Variants in HCK observed in about 807,000 individuals in gnomAD.
HCK encodes HCK proto-oncogene, Src family tyrosine kinase.
HCK carries 40 observed loss-of-function variants against 70.4 expected under a neutral mutation model. The ratio of observed to expected loss-of-function variants is 0.57; its 90% CI spans 0.44 to 0.74. The LOEUF is 0.74. HCK is among the 30% of genes least tolerant of loss of function. The pLI is 0.00. For synonymous variants in HCK, 245 were observed against 263.2 expected, an observed-to-expected ratio of 0.93 and a Z score of 0.67; for missense variants, 568 against 697.2, an observed-to-expected ratio of 0.81 and a Z score of 2.09.
At chr20:32,091,857 C>T (rs1187054928) in intron 10 of HCK, among the ~76,000 whole-genome samples, 2 of 151,476 alleles carry the variant, frequency 1.3e-5, no homozygotes, top group Non-Finnish European at 2.9e-5. Context: ...TAGTGGCATG[C>T]ACCTATAGTA....
At chr20:32,056,051 GTTTA>G (rs1212985615) in intron 1 of HCK, among the ~76,000 whole-genome samples, 2 of 152,174 alleles carry the variant, frequency 1.3e-5, no homozygotes, top group Non-Finnish European at 2.9e-5. Flanking sequence ...ATATTCCACA[GTTTA>G]TTTACCCATT....
chr20:32,073,925 G>A, intron 4 of HCK, 107 bp downstream of exon 4: 2 of 658,834 alleles, frequency 3.0e-6, no homozygotes, highest in Non-Finnish European at 5.5e-6. Flanking sequence ...TCTTATCCTG[G>A]GTATAAATGT....
chr20:32,085,076 A>C (rs545865009), intron 8 of HCK, among the ~76,000 whole-genome samples: 1 of 152,370 alleles, frequency 6.6e-6, no homozygotes, highest in African/African-American at 2.4e-5. Context: ...GTGCCAGCCC[A>C]GTGTGGGGCA....
At chr20:32,090,689 C>A (rs547123272) in intron 10 of HCK, among the ~76,000 whole-genome samples, 1 of 152,200 alleles carries the variant, frequency 6.6e-6, no homozygotes, top group Non-Finnish European at 1.5e-5. Context: ...CTCATGGCAC[C>A]CTATCTGGGG....
At chr20:32,076,677 A>G (rs1164399924) in intron 5 of HCK, among the ~76,000 whole-genome samples, 1 of 152,192 alleles carries the variant, frequency 6.6e-6, no homozygotes, top group African/African-American at 2.4e-5. Context: ...CCGGCTAACA[A>G]GTGCTTTCTG....
At chr20:32,088,672 G>C (rs2045823358) in intron 10 of HCK, 28 bp downstream of exon 10, 21 of 1,588,032 alleles carry the variant, frequency 1.3e-5, no homozygotes, top group Non-Finnish European at 1.5e-5. Flanking sequence ...AAACGGGGAA[G>C]GGAAACAGGA....
chr20:32,073,537 A>T (rs1206845408), intron 3 of HCK, among the ~76,000 whole-genome samples, 176 bp downstream of exon 3: 1 of 152,256 alleles, frequency 6.6e-6, no homozygotes, highest in Non-Finnish European at 1.5e-5. Flanking sequence ...GTTTAGTAAC[A>T]TGAACAAAAC....
rs1415089428 is a variant in HCK at position 32,101,459 on chromosome 20, C to T, written c.1521C>T (p.Ile507=). ...AGGAGCGGCCGACCTTCGAATACAT[C>T]CAGAGTGTGCTGGATGACTTCTACA... Residue 507 remains isoleucine, a synonymous_variant, in exon 13 of 13, where the codon ATC becomes ATT. Coordinates refer to ENST00000375852, the MANE Select transcript of HCK (RefSeq NM_002110.5). 20 of 1,614,012 alleles carry T rather than the reference C, an allele frequency of 1.2e-5. No individual in the cohort carries two copies. The highest frequency in any genetic ancestry group is 1.7e-5 in the Non-Finnish European group (20 of 1,179,968).
At chr20:32,069,037 A>G (rs1444870333) in intron 1 of HCK, among the ~76,000 whole-genome samples, 3 of 152,328 alleles carry the variant, frequency 2.0e-5, no homozygotes, top group Admixed American at 1.3e-4. Flanking sequence ...CAGTATCTCT[A>G]GGCTTGTGGG....
chr20:32,073,632 C>A, intron 3 of HCK, 84 bp from the exon 4 acceptor site: 2 of 868,596 alleles, frequency 2.3e-6, no homozygotes, highest in Non-Finnish European at 1.9e-6. Flanking sequence ...GGGTGCGGAG[C>A]TGTTCCAGGT....
intron 1 of HCK, 23 bp downstream of exon 1, chr20:32,052,509 C>A: frequency 1.6e-6 from 2 of 1,259,708 alleles, no homozygotes; most frequent in South Asian, 3.3e-5. Flanking sequence ...CACAGGGGAC[C>A]GGGAATACCC....
chr20:32,092,966 A>G (rs1234362970), intron 10 of HCK, among the ~76,000 whole-genome samples: 1 of 151,966 alleles, frequency 6.6e-6, no homozygotes, highest in Non-Finnish European at 1.5e-5. Flanking sequence ...TCTTTTTGAG[A>G]CAGAGTCTTG....
chr20:32,082,988 G>T (rs1474596360), intron 6 of HCK, among the ~76,000 whole-genome samples: 1 of 152,156 alleles, frequency 6.6e-6, no homozygotes, highest in Non-Finnish European at 1.5e-5. Context: ...CAGTTCTGGG[G>T]ATCAGTAGTC....
rs189914037 is a variant in HCK, at chr20:32,100,478, G to A, written c.1379-839G>A. On this transcript the variant is annotated intron_variant, in intron 12 of 12. Coordinates refer to ENST00000375852, the MANE Select transcript of HCK (RefSeq NM_002110.5). ...GCTGACTTAGGAGGTGAGAGAGAGA[G>A]AATAAAGGATGATTACCCTGGCTTT... 2.1e-3 allele frequency among the ~76,000 whole-genome samples: 317 copies of A among 152,286 alleles called. 2 individuals are homozygous for A. The highest frequency in any genetic ancestry group is 2.8e-3 in the Non-Finnish European group (193 of 68,022).
At chr20:32,055,622 A>G (rs2045259029) in intron 1 of HCK, among the ~76,000 whole-genome samples, 1 of 152,232 alleles carries the variant, frequency 6.6e-6, no homozygotes, top group South Asian at 2.1e-4. Flanking sequence ...TAGCAGAGCA[A>G]TCTTTTATAT....
rs1272855293 is a variant in HCK at position 32,070,409 on chromosome 20, G to A, written c.63-1253G>A. ...CAACCACCCTCTTCCCTGCCCATGA[G>A]CTTCAGCTACACTCTCCTGCTTTCA... On this transcript the variant is annotated intron_variant, in intron 1 of 12. Coordinates refer to ENST00000375852, the MANE Select transcript of HCK (RefSeq NM_002110.5). Among the ~76,000 whole-genome samples the A allele has an allele frequency of 2.6e-5, 4 of 152,248 alleles. No homozygotes were observed. The East Asian group carries it at 7.7e-4, about 29-fold the overall frequency.
chr20:32,089,179 C>A (rs983891261), intron 10 of HCK, among the ~76,000 whole-genome samples: 8 of 152,280 alleles, frequency 5.3e-5, no homozygotes, highest in Non-Finnish European at 1.0e-4. Flanking sequence ...CCTCTGCCTG[C>A]ATCAGGCTTG....
At chr20:32,063,386 G>A (rs2045408825) in intron 1 of HCK, among the ~76,000 whole-genome samples, 1 of 152,122 alleles carries the variant, frequency 6.6e-6, no homozygotes, top group East Asian at 1.9e-4. Flanking sequence ...CCAAGTAGCT[G>A]GGAATACAGG....
rs1454748120 is a variant in HCK, at chr20:32,058,614, A to ACACACG, written c.62+6133_62+6134insGCACAC. Among the ~76,000 whole-genome samples the ACACACG allele has an allele frequency of 2.0e-5, 3 of 150,340 alleles. No homozygotes were observed. In the East Asian group the frequency reaches 6.3e-4, roughly 32 times the overall value. The stretch of plus-strand genomic sequence containing the variant: ...ATTCCTTTTATGTCAAAACACACAC[A>ACACACG]CACACACACACACACACACACACAC... On this transcript the variant is annotated intron_variant, in intron 1 of 12. Coordinates refer to ENST00000375852, the MANE Select transcript of HCK (RefSeq NM_002110.5).
Sources: allele counts gnomAD v4.1 joint callset (sites outside exome capture counted in the v4.1 genomes callset), GRCh38; gene constraint gnomAD v4.1.1; transcripts MANE v1.5; gene names NCBI Gene and HGNC (gene_info 2026-07-23, HGNC 2026-07-21).